The following PEX14 variants were observed in gnomAD, a reference collection of about 807,000 sequenced individuals.
PEX14 encodes peroxisomal biogenesis factor 14, also known as peroxisomal membrane protein PEX14.
In PEX14, 15 loss-of-function variants were observed where a neutral mutation model predicts 49.5. That is an observed-to-expected ratio of 0.30 (90% CI 0.20 to 0.47). The LOEUF (loss-of-function observed/expected upper bound fraction) is 0.47. Among genes scored for constraint, PEX14 ranks in the 20% least tolerant of loss-of-function variants. The pLI is 1.00. For synonymous variants in PEX14, 210 were observed against 212.7 expected (o/e 0.99, Z 0.11); for missense variants, 398 against 494.8 (o/e 0.80, Z 1.86).
chr1:10,588,951 A>G (rs1640580727), intron 3 of PEX14, among the ~76,000 whole-genome samples: 1 of 152,350 alleles, frequency 6.6e-6, no homozygotes, highest in Non-Finnish European at 1.5e-5. Context: ...TGTGCATAGA[A>G]TGTACAGAAT....
In PEX14 at chr1:10,483,535, T is replaced by C. The variant is rs1641318311; in HGVS notation, c.36+8533T>C. ...TTTCACTATGTTGGCCAGGATGGTC[T>C]CAATCTCCTGACCTCATGATCCACC... On this transcript the variant is annotated intron_variant, in intron 1 of 8. Coordinates refer to ENST00000356607, the MANE Select transcript of PEX14 (RefSeq NM_004565.3). Among the ~76,000 whole-genome samples the C allele has an allele frequency of 1.3e-5, 2 of 151,938 alleles. 1 individual carries two copies. The highest frequency in any genetic ancestry group is 4.9e-5 in the African/African-American group (2 of 41,234).
chr1:10,531,175 C>T (rs1292750242), intron 2 of PEX14, among the ~76,000 whole-genome samples: 1 of 152,176 alleles, frequency 6.6e-6, no homozygotes, highest in Admixed American at 6.5e-5. Context: ...TCAAGGAACA[C>T]GGCCTCTTTA....
At chr1:10,520,153 T>TTTTTTTTTTTTTTTTTTTTTTTG (rs754714815) in intron 2 of PEX14, among the ~76,000 whole-genome samples, 2 of 91,914 alleles carry the variant, frequency 2.2e-5, no homozygotes, top group Non-Finnish European at 2.4e-5. Context: ...TTCTTCTTTT[T>TTTTTTTTTTTTTTTTTTTTTTTG]TTTTTTTTTG....
chr1:10,481,684 A>G (rs1180836835), intron 1 of PEX14, among the ~76,000 whole-genome samples: 5 of 150,388 alleles, frequency 3.3e-5, no homozygotes, highest in African/African-American at 1.2e-4. Flanking sequence ...TGAGCCTCCC[A>G]CCTCAGTCTC....
intron 1 of PEX14, among the ~76,000 whole-genome samples, chr1:10,482,072 G>A (rs1292235655): frequency 2.6e-5 from 4 of 151,998 alleles, no homozygotes; most frequent in African/African-American, 4.8e-5. Context: ...CAGTCTGCCC[G>A]TCTGGGCCTC....
At chr1:10,486,616 A>G (rs146709123) in intron 1 of PEX14, among the ~76,000 whole-genome samples, 26 of 151,682 alleles carry the variant, frequency 1.7e-4, no homozygotes, top group African/African-American at 6.0e-4. Flanking sequence ...CTGGATTTCC[A>G]GCTTACAATG....
Position 10,517,917 on chromosome 1 carries a change from A to G in PEX14, c.85-18296A>G, listed in dbSNP as rs576420856. ...CAGAAGCCCAATTTGAATGCAGTCT[A>G]GGGAAGTAAGTCCCAGGCAAATGGT... On this transcript the variant is annotated intron_variant, in intron 2 of 8. Coordinates refer to ENST00000356607, the MANE Select transcript of PEX14 (RefSeq NM_004565.3). Among the ~76,000 whole-genome samples, 6 of 152,252 alleles carry G rather than the reference A, an allele frequency of 3.9e-5. No homozygotes were observed. The South Asian group carries it at 1.2e-3, about 32-fold the overall frequency.
intron 3 of PEX14, among the ~76,000 whole-genome samples, chr1:10,579,881 C>T (rs1640261278): frequency 6.6e-6 from 1 of 151,988 alleles, no homozygotes; most frequent in Admixed American, 6.6e-5. Context: ...CTGTCTCACC[C>T]TGTGACTTAG....
At chr1:10,581,980 TG>T (rs1486100062) in intron 3 of PEX14, among the ~76,000 whole-genome samples, 2 of 144,426 alleles carry the variant, frequency 1.4e-5, no homozygotes, top group African/African-American at 2.5e-5. Context: ...TTTAATTTTA[TG>T]TACTATATCT....
intron 2 of PEX14, among the ~76,000 whole-genome samples, chr1:10,519,488 G>T (rs1411402): frequency 0.25 from 38,152 of 152,078 alleles, 5,391 homozygotes; most frequent in Admixed American, 0.33. Flanking sequence ...CCTGTCTCAG[G>T]GAATGGTGCG....
rs1409863828 is a variant in PEX14, at chr1:10,527,088, C to A, written c.85-9125C>A. Among the ~76,000 whole-genome samples the A allele has an allele frequency of 3.3e-5, 5 of 151,674 alleles. No homozygotes were observed. The East Asian group carries it at 9.7e-4, about 29-fold the overall frequency. On this transcript the variant is annotated intron_variant, in intron 2 of 8. Transcript: ENST00000356607. ...AATTAGCCAAGCGTGGTGGCATGTG[C>A]CTGTAGTCCCAGCTACTCAGGAGGC...
At chr1:10,486,363 T>G (rs936799864) in intron 1 of PEX14, among the ~76,000 whole-genome samples, 3 of 150,362 alleles carry the variant, frequency 2.0e-5, no homozygotes, top group African/African-American at 4.9e-5. Context: ...TTGCTGAGTT[T>G]TTTTTTTTTT....
chr1:10,496,749 A>C (rs924231805), intron 2 of PEX14, among the ~76,000 whole-genome samples: 1 of 151,610 alleles, frequency 6.6e-6, no homozygotes, highest in Non-Finnish European at 1.5e-5. Context: ...TGTACTGTGC[A>C]TCTGCTTGTT....
chr1:10,502,917 C>A (rs896103337), intron 2 of PEX14, among the ~76,000 whole-genome samples: 1 of 151,498 alleles, frequency 6.6e-6, no homozygotes, highest in Non-Finnish European at 1.5e-5. Context: ...CCCACCTCAG[C>A]CTCCCCAGTA....
chr1:10,520,173 C>CTTTTTT (rs1638237852), intron 2 of PEX14, among the ~76,000 whole-genome samples: 1 of 56,314 alleles, frequency 1.8e-5, no homozygotes, highest in African/African-American at 8.7e-5. Flanking sequence ...GTTTTTTTAA[C>CTTTTTT]TAGAGACAAG....
At chr1:10,543,693 A>C (rs1027973841) in intron 3 of PEX14, among the ~76,000 whole-genome samples, 3 of 151,638 alleles carry the variant, frequency 2.0e-5, no homozygotes, top group Non-Finnish European at 2.9e-5. Context: ...TGAAGCCTTG[A>C]ACTTCTGGGC....
chr1:10,523,338 C>T (rs760021217), intron 2 of PEX14, among the ~76,000 whole-genome samples: 1 of 152,146 alleles, frequency 6.6e-6, no homozygotes, highest in Non-Finnish European at 1.5e-5. Context: ...CTGATTTCTT[C>T]TGCTATTCCC....
intron 2 of PEX14, among the ~76,000 whole-genome samples, chr1:10,511,814 A>G (rs1641888636): frequency 6.6e-6 from 1 of 151,922 alleles, no homozygotes; most frequent in Non-Finnish European, 1.5e-5. Context: ...GACCTCTTTG[A>G]CTTCCAAGTC....
At chr1:10,544,726 C>T (rs1639117645) in intron 3 of PEX14, among the ~76,000 whole-genome samples, 1 of 151,638 alleles carries the variant, frequency 6.6e-6, no homozygotes, top group Non-Finnish European at 1.5e-5. Flanking sequence ...TGCAAGTATG[C>T]ATTGATCTGC....
Sources: allele counts gnomAD v4.1 joint callset (sites outside exome capture counted in the v4.1 genomes callset), GRCh38; gene constraint gnomAD v4.1.1; transcripts MANE v1.5; gene names NCBI Gene and HGNC (gene_info 2026-07-23, HGNC 2026-07-21).